EGFR: variants seen among roughly 807,000 people sequenced by gnomAD.
EGFR encodes epidermal growth factor receptor.
EGFR carries 58 observed loss-of-function variants against 143.0 expected under a neutral mutation model. The ratio of observed to expected loss-of-function variants is 0.41; its 90% CI spans 0.33 to 0.50. EGFR has a LOEUF of 0.50. EGFR is among the 20% of genes least tolerant of loss of function. The pLI, the probability that EGFR is intolerant of heterozygous loss-of-function variation, is 0.39. For missense variants in EGFR, 1,307 were observed against 1,579.0 expected, an observed-to-expected ratio of 0.83 and a Z score of 2.92; for synonymous variants, 613 against 594.4, an observed-to-expected ratio of 1.03 and a Z score of -0.45.
intron 1 of EGFR, 151 bp from the exon 2 acceptor site, chr7:55,142,135 C>A: frequency 2.3e-6 from 2 of 861,184 alleles, no homozygotes; most frequent in Admixed American, 2.2e-5. Context: ...GTAAGCTTTG[C>A]GCCCAGATGA....
intron 1 of EGFR, among the ~76,000 whole-genome samples, chr7:55,021,851 G>A (rs1466319776): frequency 3.3e-5 from 5 of 152,150 alleles, no homozygotes; most frequent in African/African-American, 9.7e-5. Flanking sequence ...GAGGTACGAA[G>A]AACTAAAGTG....
At position 55,061,643 on chromosome 7, in the gene EGFR, TGTGTGTGA is replaced by T. The variant is rs1247837929; in HGVS notation, c.88+42280_88+42287del. The stretch of plus-strand genomic sequence containing the variant: ...GTGTGTGTGTGTGTGTGTGTGTGTG[TGTGTGTGA>T]GAGAGAGAGAGAGAGAGAGAGACTG... On this transcript the variant is annotated intron_variant, in intron 1 of 27. Transcript: ENST00000275493. Among the ~76,000 whole-genome samples, 128 of 135,690 alleles carry T rather than the reference TGTGTGTGA, an allele frequency of 9.4e-4. 1 individual carries two copies. Among genetic ancestry groups the T allele is most frequent in the African/African-American group, 3.0e-3 (110 of 36,782 alleles). 89.0% of individuals were successfully genotyped at this position (135,690 alleles called of 152,430 possible).
intron 1 of EGFR, among the ~76,000 whole-genome samples, chr7:55,065,803 G>A (rs1789459725): frequency 6.6e-6 from 1 of 151,028 alleles, no homozygotes; most frequent in Admixed American, 6.6e-5. Context: ...CAAGGGGAAG[G>A]GGACAACATA....
chr7:55,050,908 C>T (rs1172160916), intron 1 of EGFR, among the ~76,000 whole-genome samples: 1 of 152,206 alleles, frequency 6.6e-6, no homozygotes, highest in African/African-American at 2.4e-5. Flanking sequence ...CCTCCATAAG[C>T]AGAATCACTC....
intron 1 of EGFR, among the ~76,000 whole-genome samples, chr7:55,083,200 A>G (rs904268937): frequency 1.3e-5 from 2 of 152,242 alleles, no homozygotes; most frequent in African/African-American, 4.8e-5. Flanking sequence ...CTGATGACAC[A>G]TAGTAATTTA....
chr7:55,019,235 G>A lies in EGFR; in HGVS notation c.-43G>A, dbSNP rs1218040061. On this transcript the variant is annotated 5_prime_UTR_variant, in exon 1 of 28. Coordinates refer to ENST00000275493, the MANE Select transcript of EGFR (RefSeq NM_005228.5). ...GCGCACGGCCCCCTGACTCCGTCCA[G>A]TATTGATCGGGAGAGCCGGAGCGAG... 1.4e-6 allele frequency: 2 copies of A among 1,428,642 alleles called. No individual in the cohort carries two copies. Among genetic ancestry groups the A allele is most frequent in the South Asian group, 1.3e-5 (1 of 78,300 alleles). The allele number at this position is 1,428,642 out of a possible 1,614,324, so 88.5% of individuals were successfully genotyped here. A position where few individuals can be genotyped will look rare whatever the true frequency, so the allele number is the denominator to read the frequency against.
Position 55,142,568 on chromosome 7 carries a change from G to T in EGFR, c.240+131G>T, listed in dbSNP as rs962118034. On this transcript the variant is annotated intron_variant, in intron 2 of 27. Transcript: ENST00000275493. Reference sequence around the variant, plus strand: ...TGACAAGTCTTACAGAGCTACAAACGAGAGTTTTATGAGAAAGCCATTTTA... The same window carrying T: ...TGACAAGTCTTACAGAGCTACAAACTAGAGTTTTATGAGAAAGCCATTTTA... 15 of 1,200,362 alleles carry T rather than the reference G, an allele frequency of 1.2e-5. No homozygotes were observed. The East Asian group carries it at 3.6e-4, about 29-fold the overall frequency. 74.4% of individuals were successfully genotyped at this position (1,200,362 alleles called of 1,614,324 possible). A position where few individuals can be genotyped will look rare whatever the true frequency, so the allele number is the denominator to read the frequency against.
intron 1 of EGFR, among the ~76,000 whole-genome samples, chr7:55,084,069 G>A (rs901452208): frequency 6.6e-6 from 1 of 152,210 alleles, no homozygotes; most frequent in African/African-American, 2.4e-5. Context: ...CCCTATGAAA[G>A]ATAGAGATTG....
chr7:55,115,491 T>G (rs538908739), intron 1 of EGFR, among the ~76,000 whole-genome samples: 44 of 152,374 alleles, frequency 2.9e-4, no homozygotes, highest in African/African-American at 1.0e-3. Context: ...GTTATATTTA[T>G]TATCATCTAA....
chr7:55,150,127 T>C (rs1794954487), intron 4 of EGFR, among the ~76,000 whole-genome samples: 1 of 152,258 alleles, frequency 6.6e-6, no homozygotes, highest in African/African-American at 2.4e-5. Context: ...TAGAAAAAGA[T>C]GCATTTTTCT....
chr7:55,040,386 G>T (rs1787832596), intron 1 of EGFR, among the ~76,000 whole-genome samples: 1 of 152,128 alleles, frequency 6.6e-6, no homozygotes, highest in African/African-American at 2.4e-5. Context: ...GGAGGAAGGT[G>T]GGGTTGGAAG....
intron 20 of EGFR, among the ~76,000 whole-genome samples, chr7:55,183,848 G>A (rs2877261): frequency 0.52 from 79,753 of 152,038 alleles, 21,691 homozygotes; most frequent in Middle Eastern, 0.66. Flanking sequence ...CCCTTCCTCC[G>A]TTCATCAGAG....
intron 27 of EGFR, among the ~76,000 whole-genome samples, chr7:55,204,909 G>A (rs1279137033): frequency 2.8e-5 from 4 of 143,654 alleles, no homozygotes; most frequent in Non-Finnish European, 1.5e-5. Context: ...CCACACACAC[G>A]GTGCACATAC....
Position 55,202,687 on chromosome 7 carries a change from C to G in EGFR, c.3271+62C>G, listed in dbSNP as rs764285682. ...CCTCCTCGACCCACTCAGCAGCAGC[C>G]AGTCTCCAGTGTCCAAGCCAGGTGC... On this transcript the variant is annotated intron_variant, in intron 27 of 27. Transcript: ENST00000275493. 2 of 1,481,554 alleles carry G rather than the reference C, an allele frequency of 1.3e-6. No individual in the cohort carries two copies. The highest frequency in any genetic ancestry group is 1.9e-6 in the Non-Finnish European group (2 of 1,080,024). The allele number at this position is 1,481,554 out of a possible 1,614,324, so 91.8% of individuals were successfully genotyped here. A position where few individuals can be genotyped will look rare whatever the true frequency, so the allele number is the denominator to read the frequency against.
At chr7:55,122,733 A>T (rs981353640) in intron 1 of EGFR, among the ~76,000 whole-genome samples, 3 of 152,148 alleles carry the variant, frequency 2.0e-5, no homozygotes, top group African/African-American at 7.2e-5. Flanking sequence ...CACTTTCCTT[A>T]GTTGTTCAGT....
At chr7:55,195,397 T>A (rs761144888) in intron 22 of EGFR, among the ~76,000 whole-genome samples, 5 of 152,248 alleles carry the variant, frequency 3.3e-5, no homozygotes, top group Non-Finnish European at 7.3e-5. Flanking sequence ...TTATCACTGC[T>A]TTCACTTGTT....
chr7:55,170,003 C>T (rs1786263292), intron 15 of EGFR, among the ~76,000 whole-genome samples: 1 of 152,176 alleles, frequency 6.6e-6, no homozygotes. Flanking sequence ...CTTTCTGTCT[C>T]AGACTGTTTG....
intron 1 of EGFR, among the ~76,000 whole-genome samples, chr7:55,132,561 G>A (rs1793908915): frequency 6.6e-6 from 1 of 152,216 alleles, no homozygotes; most frequent in Non-Finnish European, 1.5e-5. Flanking sequence ...CTTGGCACTT[G>A]TAGGCAAGGT....
At chr7:55,033,932 C>G (rs1347109886) in intron 1 of EGFR, among the ~76,000 whole-genome samples, 1 of 152,194 alleles carries the variant, frequency 6.6e-6, no homozygotes, top group Admixed American at 6.5e-5. Context: ...TTCCTGTGCT[C>G]TTTTTACCTT....
Sources: allele counts gnomAD v4.1 joint callset (sites outside exome capture counted in the v4.1 genomes callset), GRCh38; gene constraint gnomAD v4.1.1; transcripts MANE v1.5; gene names NCBI Gene and HGNC (gene_info 2026-07-23, HGNC 2026-07-21).